TRPM2: variants seen among roughly 807,000 people sequenced by gnomAD.
TRPM2 encodes estrogen-responsive element-associated gene 1 protein.
Under a neutral mutation model 174.0 loss-of-function variants are expected in TRPM2, and 161 were observed. The ratio of observed to expected loss-of-function variants is 0.93; its 90% CI spans 0.81 to 1.05. TRPM2 has a LOEUF of 1.05. Ranked by LOEUF, TRPM2 falls within the 50% of genes least tolerant of loss-of-function variation. The probability of loss-of-function intolerance (pLI) is 0.00; values close to 1 mark genes in which losing one functional copy is unlikely to be tolerated. For synonymous variants in TRPM2, 954 were observed against 861.3 expected, an observed-to-expected ratio of 1.11 and a Z score of -1.88; for missense variants, 2,057 against 2,038.0, an observed-to-expected ratio of 1.01 and a Z score of -0.18.
intron 9 of TRPM2, among the ~76,000 whole-genome samples, chr21:44,385,803 G>T (rs114603932): frequency 6.6e-6 from 1 of 152,142 alleles, no homozygotes; most frequent in Non-Finnish European, 1.5e-5. Flanking sequence ...GGAAGAAGAG[G>T]TGCCAAATGA....
At chr21:44,414,327 TG>T (rs1413997410) in intron 20 of TRPM2, among the ~76,000 whole-genome samples, 2 of 152,256 alleles carry the variant, frequency 1.3e-5, no homozygotes, top group African/African-American at 4.8e-5. Context: ...CCCGCGGTGC[TG>T]TGGATCCACA....
At chr21:44,426,169 G>A (rs1442394050) in intron 25 of TRPM2, among the ~76,000 whole-genome samples, 1 of 151,648 alleles carries the variant, frequency 6.6e-6, no homozygotes. Context: ...ACCCACCCCG[G>A]TGAATGGCTC....
At chr21:44,406,478 A>C in intron 18 of TRPM2, 116 bp from the exon 19 acceptor site, 1 of 1,289,330 alleles carries the variant, frequency 7.8e-7, no homozygotes, top group Non-Finnish European at 1.0e-6. Context: ...AGCCTCCTGC[A>C]TGCCGTGTCT....
chr21:44,382,894 T>G, intron 9 of TRPM2, 74 bp downstream of exon 9: 1 of 1,381,888 alleles, frequency 7.2e-7, no homozygotes, highest in Non-Finnish European at 1.0e-6. Flanking sequence ...AGTTCTAGTC[T>G]TGAAGTGCCA....
Position 44,367,615 on chromosome 21 carries a change from C to T in TRPM2, c.604+681C>T, listed in dbSNP as rs1396220246. Among the ~76,000 whole-genome samples the T allele has an allele frequency of 1.3e-5, 2 of 152,198 alleles. No individual in the cohort carries two copies. Among genetic ancestry groups the T allele is most frequent in the Non-Finnish European group, 2.9e-5 (2 of 68,036 alleles). ...CCCCAAGTCCTCAAGGCTCCCTGGG[C>T]CTCCCTGGAGGGGACTGTGGATGAA... On this transcript the variant is annotated intron_variant, in intron 4 of 31. Coordinates refer to ENST00000397928, the MANE Select transcript of TRPM2 (RefSeq NM_003307.4). This position sits in a 1 kb window ranked among gnomAD's most constrained non-coding sequence, Gnocchi z 4.6.
Position 44,405,767 on chromosome 21 carries a change from C to T in TRPM2, c.2658-138C>T, listed in dbSNP as rs1379076606. Reference sequence around the variant, plus strand: ...TCAATCTCATGCCAGCTTTGAACACCTGGGATGCAGGGCCCACCAGAGCCC... The same window carrying T: ...TCAATCTCATGCCAGCTTTGAACACTTGGGATGCAGGGCCCACCAGAGCCC... On this transcript the variant is annotated intron_variant, in intron 17 of 31. Coordinates refer to ENST00000397928, the MANE Select transcript of TRPM2 (RefSeq NM_003307.4). The T allele has an allele frequency of 3.8e-6, 4 of 1,053,712 alleles. No individual in the cohort carries two copies. In the African/African-American group the frequency reaches 4.8e-5, roughly 13 times the overall value. 65.3% of individuals were successfully genotyped at this position (1,053,712 alleles called of 1,614,324 possible).
chr21:44,429,736 T>C (rs2050960238), intron 27 of TRPM2, among the ~76,000 whole-genome samples: 1 of 152,228 alleles, frequency 6.6e-6, no homozygotes, highest in African/African-American at 2.4e-5. Context: ...TAATATATAT[T>C]CTGCAAATAA....
In TRPM2 at chr21:44,414,004, GTCC is replaced by G. The variant is rs2050193230; in HGVS notation, c.3081_3083del (p.Leu1029del). 3.7e-6 allele frequency: 6 copies of G among 1,613,812 alleles called. No homozygotes were observed. Among genetic ancestry groups the G allele is most frequent in the Non-Finnish European group, 5.1e-6 (6 of 1,180,014 alleles). ...GCCGGCCTTCCCTGAGTGGCTGACG[GTCC>G]TCCTACTCTGCCTCTACCTGCTCTT... On this transcript the variant is annotated inframe_deletion, in exon 20 of 32. Transcript: ENST00000397928.
intron 24 of TRPM2, chr21:44,425,382 T>C (rs1317573820): frequency 7.0e-6 from 3 of 426,406 alleles, no homozygotes; most frequent in African/African-American, 4.0e-5. Flanking sequence ...AAGGAGCATA[T>C]TTGCCCTCGT....
At chr21:44,418,389 C>A in intron 21 of TRPM2, 34 bp from the exon 22 acceptor site, 1 of 1,607,948 alleles carries the variant, frequency 6.2e-7, no homozygotes, top group Non-Finnish European at 8.5e-7. Context: ...CCTGAGGATT[C>A]CAGGTCCCCT....
chr21:44,429,247 T>C (rs557715494), intron 27 of TRPM2, among the ~76,000 whole-genome samples: 6 of 151,702 alleles, frequency 4.0e-5, no homozygotes, highest in Admixed American at 2.6e-4. Flanking sequence ...ACTTTTGTTA[T>C]TTGGGGTAAT....
rs139273180 is a variant in TRPM2, at chr21:44,406,660, C to T, written c.2857C>T (p.Gln953Ter). 404 of 1,610,252 alleles carry T rather than the reference C, an allele frequency of 2.5e-4. 2 individuals carry two copies. Among genetic ancestry groups the T allele is most frequent in the Non-Finnish European group, 4.6e-5 (54 of 1,179,400 alleles). ...GGTGGTGTCCTTCGGGGTGGCCAAGCAGGCCATCCTCATCCACAACGAGCG... is the reference window on the plus strand; with the variant it reads ...GGTGGTGTCCTTCGGGGTGGCCAAGTAGGCCATCCTCATCCACAACGAGCG... The part of the protein sequence containing the change: ...VWVVSFGVAK[Q>*]AILIHNERRV... Residue 953 changes from glutamine to a stop codon, truncating the protein, a stop_gained, in exon 19 of 32, where the codon CAG becomes TAG. Coordinates refer to ENST00000397928, the MANE Select transcript of TRPM2 (RefSeq NM_003307.4). LOFTEE classifies it high-confidence loss of function.
At chr21:44,425,277 G>A (rs759222248) in intron 24 of TRPM2, 6 of 391,624 alleles carry the variant, frequency 1.5e-5, no homozygotes, top group Non-Finnish European at 2.3e-5. Context: ...CGTAGGCTGA[G>A]TGACGAGAAG....
chr21:44,434,181 T>C (rs972680040), intron 27 of TRPM2, among the ~76,000 whole-genome samples: 4 of 151,014 alleles, frequency 2.6e-5, no homozygotes, highest in Non-Finnish European at 4.4e-5. Flanking sequence ...GAGGTCAGAG[T>C]GGAATGGTGG....
chr21:44,425,874 G>T (rs1189049845), intron 25 of TRPM2, 47 bp downstream of exon 25: 1 of 1,482,834 alleles, frequency 6.7e-7, no homozygotes, highest in South Asian at 1.4e-5. Flanking sequence ...CGGGCCCCTG[G>T]GGAGGGGAGG....
chr21:44,403,580 A>G (rs2049711757), intron 16 of TRPM2, among the ~76,000 whole-genome samples: 1 of 149,934 alleles, frequency 6.7e-6, no homozygotes, highest in African/African-American at 2.5e-5. Context: ...GTACACACAT[A>G]CATGCACACA....
chr21:44,404,324 A>G (rs1196407124), intron 16 of TRPM2, among the ~76,000 whole-genome samples: 1 of 152,196 alleles, frequency 6.6e-6, no homozygotes, highest in Non-Finnish European at 1.5e-5. Context: ...ATACACATAT[A>G]CACACATGCA....
At chr21:44,358,509 G>C (rs1369574930) in intron 2 of TRPM2, among the ~76,000 whole-genome samples, 1 of 152,322 alleles carries the variant, frequency 6.6e-6, no homozygotes, top group African/African-American at 2.4e-5. Flanking sequence ...CGAGCTCTCC[G>C]GCGATGTAAT....
intron 27 of TRPM2, among the ~76,000 whole-genome samples, chr21:44,431,266 C>T: frequency 6.6e-6 from 1 of 151,268 alleles, no homozygotes. Flanking sequence ...TTATGAATTT[C>T]ATTATAATCT....
Sources: gnomAD v4.1 joint callset for allele counts (sites outside exome capture counted in the v4.1 genomes callset) on GRCh38, gnomAD v4.1.1 for gene constraint, Gnocchi (gnomAD v3.1) non-coding constraint, MANE v1.5 for transcripts, NCBI Gene and HGNC (gene_info 2026-07-23, HGNC 2026-07-21) for gene names.